The following RFX2 variants were observed in gnomAD, a reference collection of about 807,000 sequenced individuals.
The protein encoded by RFX2 is DNA-binding protein RFX2.
A neutral mutation model predicts 87.8 loss-of-function variants in RFX2; 20 were observed. The observed-to-expected ratio is 0.23, with a 90% confidence interval of 0.16 to 0.33. The LOEUF is 0.33. Among genes scored for constraint, RFX2 ranks in the 10% least tolerant of loss-of-function variants. The probability of loss-of-function intolerance (pLI) is 1.00; values close to 1 mark genes in which losing one functional copy is unlikely to be tolerated. For missense variants in RFX2, 767 were observed against 1,012.3 expected, an observed-to-expected ratio of 0.76 and a Z score of 3.29; for synonymous variants, 397 against 431.3, an observed-to-expected ratio of 0.92 and a Z score of 0.98.
intron 6 of RFX2, chr19:6,019,888 C>T (rs990206846): frequency 2.0e-5 from 3 of 152,352 alleles, no homozygotes; most frequent in African/African-American, 7.2e-5. Context: ...ATGTGAGCAT[C>T]TGCAGGATCC....
intron 1 of RFX2, among the ~76,000 whole-genome samples, chr19:6,103,768 T>A (rs1413976273): frequency 6.6e-6 from 1 of 152,056 alleles, no homozygotes; most frequent in African/African-American, 2.4e-5. Flanking sequence ...TTAAGGGAAT[T>A]TCCTACCCTA....
intron 5 of RFX2, among the ~76,000 whole-genome samples, chr19:6,035,852 T>TGTGTGTG (rs2087016081): frequency 2.8e-5 from 3 of 107,850 alleles, no homozygotes; most frequent in Non-Finnish European, 4.0e-5. Context: ...TGGTGGGGGG[T>TGTGTGTG]GTGTGTGTGT....
In RFX2 at chr19:6,011,221, G is replaced by A. The variant is rs1293346550; in HGVS notation, c.900-970C>T. Among the ~76,000 whole-genome samples, 1 of 152,254 alleles carries A rather than the reference G, an allele frequency of 6.6e-6. No individual in the cohort carries two copies. The highest frequency in any genetic ancestry group is 1.5e-5 in the Non-Finnish European group (1 of 68,042). ...TCTTATTATTGGTGCAATCTTAGAA[G>A]TTCTGAGACTTTCATTTTGAGCCAG... is the stretch of plus-strand genomic sequence containing the variant. On this transcript the variant is annotated intron_variant, in intron 8 of 17. Coordinates refer to ENST00000303657, the MANE Select transcript of RFX2 (RefSeq NM_000635.4). This position sits in a 1 kb window ranked among gnomAD's most constrained non-coding sequence, Gnocchi z 4.8.
At chr19:6,081,819 G>A (rs2087789397) in intron 1 of RFX2, among the ~76,000 whole-genome samples, 2 of 152,318 alleles carry the variant, frequency 1.3e-5, no homozygotes, top group Admixed American at 6.5e-5. Flanking sequence ...CGGGCGCGTT[G>A]GCTCACGCTT....
intron 1 of RFX2, among the ~76,000 whole-genome samples, chr19:6,105,705 C>A (rs544157039): frequency 2.6e-5 from 4 of 151,912 alleles, no homozygotes; most frequent in Non-Finnish European, 1.5e-5. Flanking sequence ...GTGGAGGTGG[C>A]GAGGCATGGT....
intron 5 of RFX2, among the ~76,000 whole-genome samples, chr19:6,030,313 A>G (rs186123529): frequency 1.4e-4 from 22 of 152,322 alleles, no homozygotes; most frequent in Admixed American, 3.9e-4. Flanking sequence ...ATTTCTCAAC[A>G]GAAACCATGG....
rs2144727790 is a variant in RFX2, at chr19:6,023,190, CT to C, written c.597+2972del. On this transcript the variant is annotated intron_variant, in intron 6 of 17. Coordinates refer to ENST00000303657, the MANE Select transcript of RFX2 (RefSeq NM_000635.4). The surrounding 1 kb of genome is among the most constrained non-coding windows in gnomAD (Gnocchi z 4.9). ...AGGCCCTGCTGCTGGGGCGACCTGC[CT>C]GGGGCTGTCTGAGAAGGGAGGTCTG... 6.5e-6 allele frequency: 1 copy of C among 152,766 alleles called. No individual in the cohort carries two copies. Among genetic ancestry groups the C allele is most frequent in the South Asian group, 2.1e-4 (1 of 4,834 alleles). The allele number at this position is 152,766 out of a possible 1,614,324, so 9.5% of individuals were successfully genotyped here. A position where few individuals can be genotyped will look rare whatever the true frequency, so the allele number is the denominator to read the frequency against.
chr19:6,014,833 G>A (rs542808652), intron 7 of RFX2, among the ~76,000 whole-genome samples: 2 of 152,282 alleles, frequency 1.3e-5, no homozygotes, highest in Non-Finnish European at 2.9e-5. Flanking sequence ...AAGGGACTCT[G>A]GTCCTCGTGG....
chr19:6,009,378 C>T (rs937768347), intron 9 of RFX2, among the ~76,000 whole-genome samples: 1 of 152,094 alleles, frequency 6.6e-6, no homozygotes, highest in Non-Finnish European at 1.5e-5. Flanking sequence ...GAGTTAGGGC[C>T]TTCCCGGGGC....
intron 1 of RFX2, among the ~76,000 whole-genome samples, chr19:6,048,838 T>C (rs2087231920): frequency 6.6e-6 from 1 of 152,150 alleles, no homozygotes; most frequent in African/African-American, 2.4e-5. Context: ...CCATCTGTAT[T>C]GTTGGGGACT....
intron 5 of RFX2, among the ~76,000 whole-genome samples, chr19:6,032,212 C>G (rs867026005): frequency 2.0e-5 from 3 of 152,122 alleles, no homozygotes; most frequent in Non-Finnish European, 2.9e-5. Flanking sequence ...ACCTCTGCCT[C>G]CCAGGTTCAA....
rs1205384636 is a variant in RFX2, at chr19:6,016,733, G to T, written c.598-462C>A. ...GTCACTGATTTGAGTTCTCTAAGCAGATTAATGAATCCCTCATTTTCTTTT... is the reference window on the plus strand; with the variant it reads ...GTCACTGATTTGAGTTCTCTAAGCATATTAATGAATCCCTCATTTTCTTTT... On this transcript the variant is annotated intron_variant, in intron 6 of 17. Transcript: ENST00000303657. The surrounding 1 kb of genome is among the most constrained non-coding windows in gnomAD (Gnocchi z 5.4). Among the ~76,000 whole-genome samples the T allele has an allele frequency of 6.6e-6, 1 of 152,230 alleles. No individual in the cohort carries two copies. The highest frequency in any genetic ancestry group is 1.5e-5 in the Non-Finnish European group (1 of 68,040).
At chr19:6,029,640 G>A (rs750550459) in intron 5 of RFX2, among the ~76,000 whole-genome samples, 4 of 152,246 alleles carry the variant, frequency 2.6e-5, no homozygotes, top group African/African-American at 4.8e-5. Flanking sequence ...CCTGGGAGGC[G>A]GGGTTTGTAG....
chr19:5,995,882 C>T (rs563027883), intron 16 of RFX2, among the ~76,000 whole-genome samples: 7 of 152,272 alleles, frequency 4.6e-5, no homozygotes, highest in East Asian at 1.9e-4. Flanking sequence ...CTCGGGGCAG[C>T]GAGGGGACAG....
intron 1 of RFX2, among the ~76,000 whole-genome samples, chr19:6,078,871 G>T (rs1007713110): frequency 8.5e-5 from 13 of 152,300 alleles, no homozygotes; most frequent in African/African-American, 3.1e-4. Flanking sequence ...CACCTCCCGG[G>T]TTCAAACTAT....
chr19:6,109,205 C>CTT (rs1196236906), intron 1 of RFX2: 1 of 151,244 alleles, frequency 6.6e-6, no homozygotes, highest in East Asian at 1.9e-4. Flanking sequence ...GTTGGTGAAA[C>CTT]TTTTCTCCCT....
chr19:6,100,498 G>A (rs928929135), intron 1 of RFX2, among the ~76,000 whole-genome samples: 12 of 152,162 alleles, frequency 7.9e-5, no homozygotes, highest in Non-Finnish European at 1.0e-4. Flanking sequence ...GGCGGCGACC[G>A]GAAGGCTGGA....
chr19:6,062,746 C>T (rs756298541), intron 1 of RFX2, among the ~76,000 whole-genome samples: 18 of 152,306 alleles, frequency 1.2e-4, no homozygotes, highest in South Asian at 6.2e-4. Flanking sequence ...ATTTCTCCAG[C>T]CCTCTGTGGT....
At position 6,008,165 on chromosome 19, in the gene RFX2, C is replaced by T. The variant is rs1461194981; in HGVS notation, c.1075G>A (p.Asp359Asn). Residue 359 changes from aspartate (D) to asparagine (N), a missense_variant, in exon 10 of 18, where the codon GAC (aspartate) becomes AAC (asparagine). Coordinates refer to ENST00000303657, the MANE Select transcript of RFX2 (RefSeq NM_000635.4). ...APDLGSFLLQ[D>N]GVTLHDVKAL... ...TTGACGTCGTGCAGTGTGACGCCGT[C>T]CTGCAGCAGGAAGCTGCCCAGGTCG... The T allele has an allele frequency of 1.9e-6, 3 of 1,558,848 alleles. No homozygotes were observed. Among genetic ancestry groups the T allele is most frequent in the Admixed American group, 2.0e-5 (1 of 51,094 alleles).
Sources: gnomAD v4.1 joint callset for allele counts (sites outside exome capture counted in the v4.1 genomes callset) on GRCh38, gnomAD v4.1.1 for gene constraint, Gnocchi (gnomAD v3.1) non-coding constraint, MANE v1.5 for transcripts, NCBI Gene and HGNC (gene_info 2026-07-23, HGNC 2026-07-21) for gene names.